The following CDKN2AIPNL variants were observed in gnomAD, a reference collection of about 807,000 sequenced individuals.
CDKN2AIPNL encodes XRN2 binding domain containing 1.
A neutral mutation model predicts 12.9 loss-of-function variants in CDKN2AIPNL; 9 were observed. That is an observed-to-expected ratio of 0.70 (90% CI 0.42 to 1.22). CDKN2AIPNL has a LOEUF of 1.22. Ranked by LOEUF, CDKN2AIPNL falls within the 50% of genes most tolerant of loss-of-function variation. The probability of loss-of-function intolerance (pLI) is 0.00; values close to 1 mark genes in which losing one functional copy is unlikely to be tolerated. For synonymous variants in CDKN2AIPNL, 53 were observed against 61.7 expected, an observed-to-expected ratio of 0.86 and a Z score of 0.66; for missense variants, 143 against 153.6, an observed-to-expected ratio of 0.93 and a Z score of 0.37.
chr5:134,410,719 G>A (rs1430469553), intron 1 of CDKN2AIPNL: 7 of 390,634 alleles, frequency 1.8e-5, no homozygotes, highest in Non-Finnish European at 2.4e-5. Flanking sequence ...GCTTCCCTAC[G>A]TACTGTTCTA....
Position 134,410,954 on chromosome 5 carries a change from G to A in CDKN2AIPNL, c.239+662C>T, listed in dbSNP as rs1561688985. The A allele has an allele frequency of 7.2e-6, 5 of 698,206 alleles. No homozygotes were observed. In the East Asian group the frequency reaches 8.0e-5, roughly 11 times the overall value. 43.3% of individuals were successfully genotyped at this position (698,206 alleles called of 1,614,324 possible). ...ATGCCTTATCAGGCACTTCAAAAGCGGGCCTTTGTCCTTTTGGTGCTGCAG... is the reference window on the plus strand; with the variant it reads ...ATGCCTTATCAGGCACTTCAAAAGCAGGCCTTTGTCCTTTTGGTGCTGCAG... On this transcript the variant is annotated intron_variant, in intron 1 of 2. Transcript: ENST00000458198.
At position 134,402,667 on chromosome 5, in the gene CDKN2AIPNL, G is replaced by T; in HGVS notation, c.*248C>A. 2.7e-6 allele frequency: 1 copy of T among 365,654 alleles called. No homozygotes were observed. The highest frequency in any genetic ancestry group is 4.9e-6 in the Non-Finnish European group (1 of 204,116). 22.7% of individuals were successfully genotyped at this position (365,654 alleles called of 1,614,324 possible). On this transcript the variant is annotated 3_prime_UTR_variant, in exon 3 of 3. Transcript: ENST00000458198. ...CAGAAAAGAGGGCTTTTACAATGTT[G>T]ATGAACTCATCTTAGAGTGCATGAT...
rs762054529 is a variant in CDKN2AIPNL, at chr5:134,409,987, A to G, written c.255T>C (p.Leu85=). ...CGGCCATTTCCATCACCTTGTCTAA[A>G]AGGTCTTTATTGTAACTGCACAATA... The part of the protein sequence containing the change: ...LFLGCSYNKD[L]LDKVMEMADG... The change falls in exon 2 of 3, where the codon CTT becomes CTC. Residue 85 remains leucine (L), a synonymous_variant. Transcript: ENST00000458198. The G allele has an allele frequency of 2.5e-5, 41 of 1,612,082 alleles. No individual in the cohort carries two copies. In the Admixed American group the frequency reaches 6.3e-4, roughly 25 times the overall value.
Position 134,402,622 on chromosome 5 carries a change from G to GAA in CDKN2AIPNL, c.*291_*292dup. The GAA allele has an allele frequency of 4.5e-4, 115 of 253,536 alleles. No individual in the cohort carries two copies. Among genetic ancestry groups the GAA allele is most frequent in the Middle Eastern group, 1.2e-3 (1 of 816 alleles). The allele number at this position is 253,536 out of a possible 1,614,324, so 15.7% of individuals were successfully genotyped here. On this transcript the variant is annotated 3_prime_UTR_variant, in exon 3 of 3. Coordinates refer to ENST00000458198, the MANE Select transcript of CDKN2AIPNL (RefSeq NM_080656.3). ...CGACAGAGTGAGACCTTGTCGATAA[G>GAA]AAAAAAAAAAACCTGAAAACAGAAA...
intron 1 of CDKN2AIPNL, chr5:134,411,170 G>A (rs925887791): frequency 2.9e-6 from 2 of 699,030 alleles, no homozygotes; most frequent in African/African-American, 3.5e-5. Context: ...GAAGCTGCAT[G>A]GCCCCAGGTA....
intron 2 of CDKN2AIPNL, among the ~76,000 whole-genome samples, chr5:134,408,926 T>G (rs958877367): frequency 2.0e-5 from 3 of 152,106 alleles, no homozygotes; most frequent in Non-Finnish European, 4.4e-5. Context: ...TATGAGCAAC[T>G]GAGAATCTGA....
chr5:134,411,037 G>A (rs746622514), intron 1 of CDKN2AIPNL: 111 of 702,390 alleles, frequency 1.6e-4, no homozygotes, highest in Non-Finnish European at 2.5e-4. Context: ...TTTCATAAGA[G>A]GGAAAGCAGA....
At chr5:134,404,817 A>T (rs992176706) in intron 2 of CDKN2AIPNL, among the ~76,000 whole-genome samples, 1 of 151,716 alleles carries the variant, frequency 6.6e-6, no homozygotes, top group Non-Finnish European at 1.5e-5. Flanking sequence ...AAACAGTCTC[A>T]CTCCGTTGCC....
At chr5:134,405,098 C>T (rs1251528513) in intron 2 of CDKN2AIPNL, among the ~76,000 whole-genome samples, 2 of 138,664 alleles carry the variant, frequency 1.4e-5, no homozygotes, top group Non-Finnish European at 1.6e-5. Context: ...CAAATTTCAT[C>T]GTCATTTTTC....
intron 2 of CDKN2AIPNL, among the ~76,000 whole-genome samples, chr5:134,407,061 C>T (rs1297483132): frequency 6.6e-6 from 1 of 152,194 alleles, no homozygotes; most frequent in Non-Finnish European, 1.5e-5. Flanking sequence ...ATATAGGCTT[C>T]TTCCACATAG....
chr5:134,411,202 T>A, intron 1 of CDKN2AIPNL: 1 of 668,402 alleles, frequency 1.5e-6, no homozygotes, highest in Non-Finnish European at 2.7e-6. Context: ...TCCCTAAGCT[T>A]TTTCATCTGT....
chr5:134,404,758 C>T (rs1417625794), intron 2 of CDKN2AIPNL, among the ~76,000 whole-genome samples: 2 of 152,144 alleles, frequency 1.3e-5, no homozygotes, highest in African/African-American at 4.8e-5. Flanking sequence ...AGCAGGCACA[C>T]TTGTTTTTCT....
intron 1 of CDKN2AIPNL, chr5:134,410,813 T>C (rs904270741): frequency 1.7e-6 from 1 of 585,210 alleles, no homozygotes; most frequent in South Asian, 2.1e-5. Context: ...ATAATAGGTA[T>C]AGAAACCAAG....
chr5:134,410,644 T>A, intron 1 of CDKN2AIPNL: 2 of 203,304 alleles, frequency 9.8e-6, no homozygotes, highest in Non-Finnish European at 2.0e-5. Context: ...TGCCTAACCA[T>A]GGAAAACCAG....
In CDKN2AIPNL at chr5:134,409,934, T is replaced by C; in HGVS notation, c.308A>G (p.Gln103Arg). Residue 103 changes from glutamine to arginine, a missense_variant, in exon 2 of 3, where the codon CAA becomes CGA. This residue lies in a region of CDKN2AIPNL where 111 missense variants were observed against 111.4 expected (regional missense o/e 1.00). Transcript: ENST00000458198. ...ADGIEVEDLP[Q>R]FTTRSELMKK... ...CATTAATTCACTTCTGGTAGTAAAT[T>C]GTGGCAGGTCTTCCACTTCAATCCC... 6.2e-7 allele frequency: 1 copy of C among 1,612,076 alleles called. No individual in the cohort carries two copies. The highest frequency in any genetic ancestry group is 8.5e-7 in the Non-Finnish European group (1 of 1,179,540).
intron 2 of CDKN2AIPNL, among the ~76,000 whole-genome samples, chr5:134,404,702 G>A (rs1352199018): frequency 6.6e-6 from 1 of 151,940 alleles, no homozygotes; most frequent in Non-Finnish European, 1.5e-5. Context: ...CAAGGGAGCG[G>A]CAGCTCTAGT....
chr5:134,408,087 T>C (rs1759132357), intron 2 of CDKN2AIPNL, among the ~76,000 whole-genome samples: 1 of 149,794 alleles, frequency 6.7e-6, no homozygotes, highest in Non-Finnish European at 1.5e-5. Flanking sequence ...GCTGAGATCG[T>C]GCCACTGCAC....
chr5:134,408,702 CAAACAA>C (rs1320683052), intron 2 of CDKN2AIPNL, among the ~76,000 whole-genome samples: 1 of 151,682 alleles, frequency 6.6e-6, no homozygotes, highest in Non-Finnish European at 1.5e-5. Context: ...AACAAACAAA[CAAACAA>C]AAACAAAAAA....
intron 2 of CDKN2AIPNL, among the ~76,000 whole-genome samples, chr5:134,407,853 C>T (rs1220927669): frequency 6.6e-6 from 1 of 151,528 alleles, no homozygotes; most frequent in African/African-American, 2.4e-5. Flanking sequence ...AATAAAGGCT[C>T]GGCCAGGTGC....
Sources: allele counts gnomAD v4.1 joint callset (sites outside exome capture counted in the v4.1 genomes callset), GRCh38; gene constraint gnomAD v4.1.1; regional missense constraint gnomAD v4.1.1; transcripts MANE v1.5; gene names NCBI Gene and HGNC (gene_info 2026-07-23, HGNC 2026-07-21).